ZNF804A: variants seen among roughly 807,000 people sequenced by gnomAD.
ZNF804A encodes the protein zinc finger protein 804A.
Under a neutral mutation model 16.5 loss-of-function variants are expected in ZNF804A, and 2 were observed. The observed-to-expected ratio is 0.12, with a 90% confidence interval of 0.05 to 0.38. ZNF804A has a LOEUF of 0.38. ZNF804A is among the 10% of genes least tolerant of loss of function. The probability of loss-of-function intolerance (pLI) is 0.99; values close to 1 mark genes in which losing one functional copy is unlikely to be tolerated. For missense variants in ZNF804A, 1,473 were observed against 1,390.7 expected (o/e 1.06, Z -0.94); for synonymous variants, 534 against 489.6 (o/e 1.09, Z -1.20).
At chr2:184,842,638 T>A (rs1695455296) in intron 1 of ZNF804A, among the ~76,000 whole-genome samples, 1 of 152,066 alleles carries the variant, frequency 6.6e-6, no homozygotes. Flanking sequence ...TTATTCTATG[T>A]TTAAAATACA....
At chr2:184,781,022 C>T (rs529266517) in intron 1 of ZNF804A, among the ~76,000 whole-genome samples, 1 of 151,698 alleles carries the variant, frequency 6.6e-6, no homozygotes, top group South Asian at 2.1e-4. Context: ...AGATGTTTTC[C>T]GAGTCCTTGT....
chr2:184,935,702 C>T, intron 3 of ZNF804A, 81 bp from the exon 4 acceptor site: 1 of 1,437,784 alleles, frequency 7.0e-7, no homozygotes, highest in African/African-American at 1.4e-5. Context: ...ATTATAATGA[C>T]TTTTTAAAGA....
At chr2:184,683,023 G>A (rs72899966) in intron 1 of ZNF804A, among the ~76,000 whole-genome samples, 7,895 of 152,176 alleles carry the variant, frequency 0.052, 262 homozygotes, top group Non-Finnish European at 0.077. Context: ...AAAACAGAGT[G>A]AGACCCTGTC....
intron 1 of ZNF804A, among the ~76,000 whole-genome samples, chr2:184,725,542 A>G (rs1693396495): frequency 6.6e-6 from 1 of 151,698 alleles, no homozygotes; most frequent in African/African-American, 2.4e-5. Flanking sequence ...ATAGACTCAC[A>G]GAAAGTTGCA....
chr2:184,612,967 T>C (rs757889028), intron 1 of ZNF804A, among the ~76,000 whole-genome samples: 8 of 152,240 alleles, frequency 5.3e-5, no homozygotes, highest in Non-Finnish European at 1.0e-4. Flanking sequence ...CTAAATTTGA[T>C]AAAGTAAGAA....
intron 1 of ZNF804A, among the ~76,000 whole-genome samples, chr2:184,804,326 G>C (rs1237389264): frequency 1.3e-5 from 2 of 152,118 alleles, no homozygotes; most frequent in Non-Finnish European, 2.9e-5. Context: ...CTTTTGAAGA[G>C]GCCACTATTA....
intron 1 of ZNF804A, among the ~76,000 whole-genome samples, chr2:184,758,143 A>T (rs1279327820): frequency 4.6e-5 from 7 of 151,982 alleles, no homozygotes; most frequent in Admixed American, 4.6e-4. Context: ...TCTCTTTTGC[A>T]TATTGCCACA....
Position 184,936,097 on chromosome 2 carries a change from C to T in ZNF804A, c.701C>T (p.Ser234Phe). The change falls in exon 4 of 4, where the codon TCT (serine) becomes TTT (phenylalanine). Residue 234 changes from serine (S) to phenylalanine (F), a missense_variant. By Grantham distance (155) the Ser-to-Phe change is radical. Transcript: ENST00000302277. Reference sequence around the variant, plus strand: ...CTAGAGTCCTCAGCTGCAGCCTTCTCTGAATACAGTGATGATGCCTCAGTG... The same window carrying T: ...CTAGAGTCCTCAGCTGCAGCCTTCTTTGAATACAGTGATGATGCCTCAGTG... ...VKLESSAAAFSEYSDDASVGK... is the reference protein window; with the variant it reads ...VKLESSAAAFFEYSDDASVGK... The T allele has an allele frequency of 6.2e-7, 1 of 1,614,066 alleles. No homozygotes were observed. Among genetic ancestry groups the T allele is most frequent in the South Asian group, 1.1e-5 (1 of 91,080 alleles).
At chr2:184,773,228 T>C (rs1386239849) in intron 1 of ZNF804A, among the ~76,000 whole-genome samples, 1 of 151,784 alleles carries the variant, frequency 6.6e-6, no homozygotes, top group East Asian at 2.0e-4. Flanking sequence ...ATCTGTATCA[T>C]ATGGGTATTA....
At chr2:184,770,651 A>T (rs1694195472) in intron 1 of ZNF804A, among the ~76,000 whole-genome samples, 2 of 152,056 alleles carry the variant, frequency 1.3e-5, no homozygotes, top group African/African-American at 4.8e-5. Context: ...GAGAAAGATA[A>T]ATTATAAACA....
chr2:184,785,530 A>G (rs185850636), intron 1 of ZNF804A, among the ~76,000 whole-genome samples: 54 of 152,180 alleles, frequency 3.5e-4, no homozygotes, highest in African/African-American at 1.3e-3. Flanking sequence ...AAATGAAGAC[A>G]GTCTATTTTA....
chr2:184,753,566 T>G (rs956160393), intron 1 of ZNF804A, among the ~76,000 whole-genome samples: 2 of 151,850 alleles, frequency 1.3e-5, no homozygotes, highest in African/African-American at 4.8e-5. Context: ...CCACTGCTGC[T>G]CTGTATTCTC....
At chr2:184,668,123 ATAT>A (rs1692279658) in intron 1 of ZNF804A, among the ~76,000 whole-genome samples, 1 of 151,840 alleles carries the variant, frequency 6.6e-6, no homozygotes, top group Admixed American at 6.6e-5. Flanking sequence ...CTCAAAGGAC[ATAT>A]TATTTTCTAT....
chr2:184,880,813 A>G (rs573187537), intron 2 of ZNF804A, among the ~76,000 whole-genome samples: 5 of 152,184 alleles, frequency 3.3e-5, no homozygotes, highest in East Asian at 1.9e-4. Flanking sequence ...AGGGTGCCCA[A>G]TTCACTCTTT....
chr2:184,866,615 T>C, intron 2 of ZNF804A, 103 bp downstream of exon 2: 4 of 1,033,660 alleles, frequency 3.9e-6, no homozygotes, highest in Non-Finnish European at 5.3e-6. Context: ...TTTAATTTAA[T>C]TTGCTGTACA....
Position 184,939,323 on chromosome 2 carries a change from A to G in ZNF804A, c.*297A>G. On this transcript the variant is annotated 3_prime_UTR_variant, in exon 4 of 4. Transcript: ENST00000302277. ...CATAAAATATATTTATAGTACTCTA[A>G]TTTATGTTGTAAAGTATGCTCCCTT... The G allele has an allele frequency of 4.7e-6, 1 of 213,278 alleles. No homozygotes were observed. Among genetic ancestry groups the G allele is most frequent in the South Asian group, 1.5e-4 (1 of 6,750 alleles). 13.2% of individuals were successfully genotyped at this position (213,278 alleles called of 1,614,324 possible).
At position 184,822,059 on chromosome 2, in the gene ZNF804A, T is replaced by C. The variant is rs141155722; in HGVS notation, c.112-44310T>C. Among the ~76,000 whole-genome samples the C allele has an allele frequency of 2.3e-3, 350 of 152,286 alleles. 1 individual carries two copies. The highest frequency in any genetic ancestry group is 7.8e-3 in the African/African-American group (323 of 41,570). ...CCATTTGACCCAGCAATTCCATTAC[T>C]TGTTGTATACCCAAAGGAATATAAA... On this transcript the variant is annotated intron_variant, in intron 1 of 3. Coordinates refer to ENST00000302277, the MANE Select transcript of ZNF804A (RefSeq NM_194250.2).
chr2:184,783,748 G>A (rs1162749853), intron 1 of ZNF804A, among the ~76,000 whole-genome samples: 1 of 151,858 alleles, frequency 6.6e-6, no homozygotes, highest in Non-Finnish European at 1.5e-5. Flanking sequence ...GCACATCTAA[G>A]CTCTGGAAGT....
chr2:184,833,197 A>G (rs1462080127), intron 1 of ZNF804A, among the ~76,000 whole-genome samples: 1 of 151,964 alleles, frequency 6.6e-6, no homozygotes, highest in African/African-American at 2.4e-5. Flanking sequence ...GCTATATTGT[A>G]TTGTTCCTGT....
Sources: gnomAD v4.1 joint callset for allele counts (sites outside exome capture counted in the v4.1 genomes callset) on GRCh38, gnomAD v4.1.1 for gene constraint, MANE v1.5 for transcripts, NCBI Gene and HGNC (gene_info 2026-07-23, HGNC 2026-07-21) for gene names.